The following CROT variants were observed in gnomAD, a reference collection of about 807,000 sequenced individuals.
CROT encodes peroxisomal carnitine O-octanoyltransferase.
Under a neutral mutation model 89.2 loss-of-function variants are expected in CROT, and 84 were observed. The observed-to-expected ratio is 0.94, with a 90% confidence interval of 0.79 to 1.13. The LOEUF (loss-of-function observed/expected upper bound fraction) is 1.13, where lower values mean the gene tolerates loss of function less well. CROT is among the 50% of genes most tolerant of loss of function. The pLI, the probability that CROT is intolerant of heterozygous loss-of-function variation, is 0.00. For missense variants in CROT, 711 were observed against 727.8 expected (o/e 0.98, Z 0.27); for synonymous variants, 212 against 239.5 (o/e 0.89, Z 1.06).
intron 3 of CROT, among the ~76,000 whole-genome samples, chr7:87,356,222 T>C (rs1345646262): frequency 2.0e-5 from 3 of 152,160 alleles, no homozygotes; most frequent in African/African-American, 7.2e-5. Flanking sequence ...ATGTTTCCCA[T>C]ATTATAAACA....
rs192093938 is a variant in CROT at position 87,361,146 on chromosome 7, A to G, written c.241-244A>G. ...GCTAATTAATTTTTTTTTTTTTTGT[A>G]GAGACAGGGTCTTTCTATGTTGCCC... On this transcript the variant is annotated intron_variant, in intron 4 of 17. Transcript: ENST00000331536. Among the ~76,000 whole-genome samples the G allele has an allele frequency of 3.2e-4, 46 of 144,368 alleles. 1 individual carries two copies. In the East Asian group the frequency reaches 9.0e-3, roughly 28 times the overall value. The allele number at this position is 144,368 out of a possible 152,430, so 94.7% of individuals were successfully genotyped here.
At chr7:87,373,613 C>T (rs1486258301) in intron 7 of CROT, among the ~76,000 whole-genome samples, 2 of 151,786 alleles carry the variant, frequency 1.3e-5, no homozygotes, top group South Asian at 2.1e-4. Context: ...TGGCAGGAAT[C>T]GAAGTAGAGA....
chr7:87,392,914 G>A (rs1297427905), intron 16 of CROT, 34 bp from the exon 17 acceptor site: 1 of 1,612,596 alleles, frequency 6.2e-7, no homozygotes, highest in African/African-American at 1.3e-5. Flanking sequence ...GCATCTGTAG[G>A]CCTAGTAAAA....
At position 87,359,337 on chromosome 7, in the gene CROT, G is replaced by T; in HGVS notation, c.240+7G>T. On this transcript the variant is annotated splice_region_variant and intron_variant, in intron 4 of 17. Coordinates refer to ENST00000331536, the MANE Select transcript of CROT (RefSeq NM_021151.4). ...AAAAGGAAAAAGAAATTGGGTATTTGTTGTTATAATTGAATAATGATGATG... is the reference window on the plus strand; with the variant it reads ...AAAAGGAAAAAGAAATTGGGTATTTTTTGTTATAATTGAATAATGATGATG... 1 of 1,592,392 alleles carries T rather than the reference G, an allele frequency of 6.3e-7. No homozygotes were observed. Among genetic ancestry groups the T allele is most frequent in the Admixed American group, 1.7e-5 (1 of 58,218 alleles).
Position 87,345,671 on chromosome 7 carries a change from T to G in CROT, c.-209T>G, listed in dbSNP as rs1805633298. ...GGGACCCTAGCGGCCTTCAGTCCAA[T>G]TCCCGCACCTTTGAGGCCCAAGGGG... is the stretch of plus-strand genomic sequence containing the variant. On this transcript the variant is annotated 5_prime_UTR_variant, in exon 1 of 18. Transcript: ENST00000331536. The G allele has an allele frequency of 3.5e-5, 13 of 371,620 alleles. No homozygotes were observed. The highest frequency in any genetic ancestry group is 4.6e-5 in the Admixed American group (1 of 21,914). The allele number at this position is 371,620 out of a possible 1,614,324, so 23.0% of individuals were successfully genotyped here.
chr7:87,390,986 G>A (rs141636659), intron 13 of CROT, among the ~76,000 whole-genome samples: 1 of 152,146 alleles, frequency 6.6e-6, no homozygotes, highest in Non-Finnish European at 1.5e-5. Flanking sequence ...TTTTTCATGA[G>A]GTTGTAGTCA....
At chr7:87,370,461 G>C (rs1049631607) in intron 7 of CROT, among the ~76,000 whole-genome samples, 8 of 152,142 alleles carry the variant, frequency 5.3e-5, no homozygotes, top group Non-Finnish European at 4.4e-5. Context: ...GGGATTACAG[G>C]CATGAGCCAC....
At chr7:87,392,161 C>T (rs975313382) in intron 14 of CROT, among the ~76,000 whole-genome samples, 1 of 152,110 alleles carries the variant, frequency 6.6e-6, no homozygotes, top group East Asian at 1.9e-4. Flanking sequence ...AAATTTCCTT[C>T]TCACTGTTAT....
rs1324996728 is a variant in CROT at position 87,359,250 on chromosome 7, A to G, written c.160A>G (p.Ile54Val). The change falls in exon 4 of 18, where the codon ATA becomes GTA. Residue 54 changes from isoleucine to valine, a missense_variant. Physicochemically the swap from Ile to Val is conservative, Grantham distance 29. Transcript: ENST00000331536. ...NQEEYKKTEEIVQKFQSGIGE... is the reference protein window; with the variant it reads ...NQEEYKKTEEVVQKFQSGIGE... Reference sequence around the variant, plus strand: ...AGAAGAATATAAGAAAACTGAAGAAATAGTTCAAAAATTTCAAAGTGGGAT... The same window carrying G: ...AGAAGAATATAAGAAAACTGAAGAAGTAGTTCAAAAATTTCAAAGTGGGAT... 1 of 1,591,860 alleles carries G rather than the reference A, an allele frequency of 6.3e-7. No individual in the cohort carries two copies. Among genetic ancestry groups the G allele is most frequent in the Admixed American group, 1.7e-5 (1 of 59,412 alleles).
chr7:87,370,554 A>G (rs1300411170), intron 7 of CROT, among the ~76,000 whole-genome samples: 1 of 152,226 alleles, frequency 6.6e-6, no homozygotes, highest in Admixed American at 6.5e-5. Flanking sequence ...TTGGGTATAT[A>G]TATCTATTTA....
chr7:87,395,040 G>C (rs192044297), intron 17 of CROT, among the ~76,000 whole-genome samples: 38 of 152,182 alleles, frequency 2.5e-4, no homozygotes, highest in African/African-American at 9.2e-4. Context: ...AAGTGTATTA[G>C]TCAGGGTTCT....
chr7:87,375,692 A>G lies in CROT; in HGVS notation c.717A>G (p.Ala239=), dbSNP rs770881590. The G allele has an allele frequency of 1.9e-6, 3 of 1,613,468 alleles. No individual in the cohort carries two copies. The highest frequency in any genetic ancestry group is 1.7e-6 in the Non-Finnish European group (2 of 1,179,572). The change falls in exon 8 of 18, where the codon GCA becomes GCG. Residue 239 remains alanine, a synonymous_variant. Coordinates refer to ENST00000331536, the MANE Select transcript of CROT (RefSeq NM_021151.4). ...AACCTGATGGACCTGGGATTGCAGC[A>G]TTAACTAGTGAGGAGCGAACTCGAT... The part of the protein sequence containing the change: ...HSEPDGPGIA[A]LTSEERTRWA...
At chr7:87,398,103 C>CTT (rs5885580) in intron 17 of CROT, among the ~76,000 whole-genome samples, 1,936 of 144,988 alleles carry the variant, frequency 0.013, 22 homozygotes, top group Non-Finnish European at 0.02. Context: ...CCTTCTCTGC[C>CTT]TTTTTTTTTT....
intron 6 of CROT, among the ~76,000 whole-genome samples, chr7:87,362,620 A>G (rs898538859): frequency 2.6e-5 from 4 of 151,972 alleles, no homozygotes; most frequent in African/African-American, 9.7e-5. Context: ...TTAGAGACAC[A>G]TGAGTTCAGA....
Position 87,375,638 on chromosome 7 carries a change from G to C in CROT, c.663G>C (p.Leu221=). 6.2e-7 allele frequency: 1 copy of C among 1,611,844 alleles called. No individual in the cohort carries two copies. Among genetic ancestry groups the C allele is most frequent in the Non-Finnish European group, 8.5e-7 (1 of 1,178,190 alleles). Residue 221 remains leucine, a synonymous_variant, in exon 8 of 18, where the codon CTG becomes CTC. Transcript: ENST00000331536. ...LVTPPELLRQ[L]TYIHKKCHSE... Reference sequence around the variant, plus strand: ...TCTTTTCATCTTCCATAAGACAACTGACATATATCCACAAGAAGTGCCATA... The same window carrying C: ...TCTTTTCATCTTCCATAAGACAACTCACATATATCCACAAGAAGTGCCATA...
chr7:87,395,593 G>C (rs995379765), intron 17 of CROT, among the ~76,000 whole-genome samples: 2 of 152,192 alleles, frequency 1.3e-5, no homozygotes, highest in African/African-American at 4.8e-5. Context: ...AGCCTTGAAG[G>C]GAAAAGATAA....
chr7:87,385,061 T>C (rs977988483), intron 13 of CROT, among the ~76,000 whole-genome samples: 1 of 152,200 alleles, frequency 6.6e-6, no homozygotes, highest in African/African-American at 2.4e-5. Flanking sequence ...ATGTCTGTTT[T>C]TATGCCAGTA....
intron 13 of CROT, among the ~76,000 whole-genome samples, chr7:87,383,175 G>A (rs1807078601): frequency 6.6e-6 from 1 of 152,018 alleles, no homozygotes. Flanking sequence ...GTTAACTATA[G>A]TCAACCTACT....
chr7:87,395,765 A>AC (rs1208151525), intron 17 of CROT, among the ~76,000 whole-genome samples: 1 of 152,086 alleles, frequency 6.6e-6, no homozygotes, highest in Non-Finnish European at 1.5e-5. Context: ...CATGATTTAA[A>AC]CACCCAAGGT....
Sources: gnomAD v4.1 joint callset for allele counts (sites outside exome capture counted in the v4.1 genomes callset) on GRCh38, gnomAD v4.1.1 for gene constraint, MANE v1.5 for transcripts, NCBI Gene and HGNC (gene_info 2026-07-23, HGNC 2026-07-21) for gene names.